VPS13B: variants seen among roughly 807,000 people sequenced by gnomAD.
VPS13B encodes vacuolar protein sorting 13 homolog B, also known as intermembrane lipid transfer protein VPS13B.
A neutral mutation model predicts 426.4 loss-of-function variants in VPS13B; 285 were observed. That is an observed-to-expected ratio of 0.67 (90% CI 0.61 to 0.74). VPS13B has a LOEUF of 0.74. VPS13B is among the 30% of genes least tolerant of loss of function. VPS13B has a pLI of 0.00. For synonymous variants in VPS13B, 1,676 were observed against 1,676.4 expected, an observed-to-expected ratio of 1.00 and a Z score of 0.01; for missense variants, 4,537 against 4,782.6, an observed-to-expected ratio of 0.95 and a Z score of 1.51.
At chr8:99,711,500 G>A (rs932890529) in intron 36 of VPS13B, among the ~76,000 whole-genome samples, 1 of 151,884 alleles carries the variant, frequency 6.6e-6, no homozygotes. Context: ...CCTGAGTTAC[G>A]GGCAAATAAA....
At chr8:99,142,840 T>C in intron 12 of VPS13B, 134 bp from the exon 13 acceptor site, 1 of 798,044 alleles carries the variant, frequency 1.3e-6, no homozygotes, top group Non-Finnish European at 1.9e-6. Flanking sequence ...AGCAGGGCTC[T>C]CTGTATGCAG....
chr8:99,220,660 A>G (rs1815657095), intron 17 of VPS13B, among the ~76,000 whole-genome samples: 1 of 152,182 alleles, frequency 6.6e-6, no homozygotes, highest in Non-Finnish European at 1.5e-5. Flanking sequence ...CTCCTAGGGA[A>G]TATGAATCTG....
intron 20 of VPS13B, among the ~76,000 whole-genome samples, chr8:99,390,386 G>A (rs570974700): frequency 6.6e-6 from 1 of 152,310 alleles, no homozygotes; most frequent in South Asian, 2.1e-4. Flanking sequence ...ACAGGCGTGA[G>A]CCACCGCACC....
intron 31 of VPS13B, among the ~76,000 whole-genome samples, chr8:99,570,795 G>A (rs72674659): frequency 0.031 from 4,761 of 152,028 alleles, 112 homozygotes; most frequent in South Asian, 0.074. Flanking sequence ...TGTCATTGAG[G>A]ACATGTTTTC....
chr8:99,260,873 A>G (rs1437565776), intron 17 of VPS13B, among the ~76,000 whole-genome samples: 6 of 152,118 alleles, frequency 3.9e-5, no homozygotes, highest in African/African-American at 1.4e-4. Context: ...ATTTGGAATT[A>G]TGACATAGTA....
intron 19 of VPS13B, among the ~76,000 whole-genome samples, chr8:99,335,270 A>G (rs931100327): frequency 3.3e-5 from 5 of 152,170 alleles, no homozygotes; most frequent in Non-Finnish European, 5.9e-5. Context: ...TAGTCTTGCT[A>G]GCAGTCTATC....
intron 4 of VPS13B, among the ~76,000 whole-genome samples, chr8:99,100,169 A>G (rs554842118): frequency 2.6e-4 from 40 of 152,300 alleles, no homozygotes; most frequent in Admixed American, 2.0e-3. Flanking sequence ...CATTTTTAGT[A>G]AGGAAACAGT....
At chr8:99,103,365 T>A (rs1484504182) in intron 5 of VPS13B, among the ~76,000 whole-genome samples, 1 of 152,188 alleles carries the variant, frequency 6.6e-6, no homozygotes, top group African/African-American at 2.4e-5. Flanking sequence ...GGTCTGGCTC[T>A]GTTGCCCAGG....
chr8:99,093,595 G>A (rs1846274958), intron 3 of VPS13B, among the ~76,000 whole-genome samples: 1 of 144,456 alleles, frequency 6.9e-6, no homozygotes, highest in Non-Finnish European at 1.5e-5. Context: ...TGTTCTCATT[G>A]TTCAATTCCC....
chr8:99,488,136 C>A (rs144667668), intron 25 of VPS13B, among the ~76,000 whole-genome samples: 8 of 152,182 alleles, frequency 5.3e-5, no homozygotes, highest in African/African-American at 1.9e-4. Context: ...ATACTTTATT[C>A]GGTGCTGATT....
chr8:99,606,621 TTTC>T (rs1827595529), intron 33 of VPS13B, among the ~76,000 whole-genome samples: 1 of 148,310 alleles, frequency 6.7e-6, no homozygotes, highest in African/African-American at 2.5e-5. Context: ...TCTTTTTCTT[TTTC>T]TTTTCTTTTT....
intron 39 of VPS13B, among the ~76,000 whole-genome samples, chr8:99,732,683 G>A (rs896766201): frequency 4.5e-4 from 68 of 152,322 alleles, no homozygotes; most frequent in Non-Finnish European, 1.3e-4. Flanking sequence ...CTAGTCTATG[G>A]TGCAGTAAGA....
At position 99,778,912 on chromosome 8, in the gene VPS13B, G is replaced by C. The variant is rs202226215; in HGVS notation, c.7660G>C (p.Val2554Leu). The C allele has an allele frequency of 1.5e-4, 235 of 1,614,004 alleles. 2 individuals carry two copies. The Admixed American group carries it at 3.8e-3, about 26-fold the overall frequency. Reference sequence around the variant, plus strand: ...CTTCAGCATCTTCGGGCAGATGGCAGTTTCCAGCGATGTAGTGGAAAAGCT... The same window carrying C: ...CTTCAGCATCTTCGGGCAGATGGCACTTTCCAGCGATGTAGTGGAAAAGCT... The part of the protein sequence containing the change: ...KPFSIFGQMA[V>L]SSDVVEKLLD... The change falls in exon 42 of 62, where the codon GTT becomes CTT. Residue 2554 changes from valine (V) to leucine (L), a missense_variant. Val to Leu is a conservative substitution (Grantham distance 32). This residue lies in a region of VPS13B where 4,311 missense variants were observed against 4,474.3 expected (regional missense o/e 0.96). Transcript: ENST00000357162.
chr8:99,622,649 T>G (rs549667723), intron 33 of VPS13B, among the ~76,000 whole-genome samples: 7 of 152,364 alleles, frequency 4.6e-5, no homozygotes, highest in Admixed American at 6.5e-5. Context: ...TTATGGCAGT[T>G]CACTGTATGC....
intron 19 of VPS13B, among the ~76,000 whole-genome samples, chr8:99,335,970 C>T (rs1810837766): frequency 6.6e-6 from 1 of 152,194 alleles, no homozygotes; most frequent in African/African-American, 2.4e-5. Context: ...ATGCCATCCC[C>T]ATCAAGCTAC....
At chr8:99,863,689 T>C (rs1816952046) in intron 58 of VPS13B, among the ~76,000 whole-genome samples, 1 of 152,204 alleles carries the variant, frequency 6.6e-6, no homozygotes, top group African/African-American at 2.4e-5. Context: ...AGGTCATCTT[T>C]CTGGGCGTGG....
intron 19 of VPS13B, among the ~76,000 whole-genome samples, chr8:99,304,521 G>A (rs1000647833): frequency 3.3e-5 from 5 of 151,878 alleles, no homozygotes; most frequent in African/African-American, 1.2e-4. Flanking sequence ...TATTAAATTT[G>A]TGCTATTCTG....
intron 39 of VPS13B, among the ~76,000 whole-genome samples, chr8:99,725,290 C>A (rs1588658404): frequency 6.6e-6 from 1 of 152,292 alleles, no homozygotes; most frequent in Non-Finnish European, 1.5e-5. Flanking sequence ...CAGGGTCCCC[C>A]AGCCCATGGC....
chr8:99,692,214 C>A (rs1172525682), intron 35 of VPS13B, among the ~76,000 whole-genome samples: 3 of 148,558 alleles, frequency 2.0e-5, no homozygotes, highest in Non-Finnish European at 3.0e-5. Context: ...CTACAGAACT[C>A]TCCACCCCAA....
Sources: gnomAD v4.1 joint callset for allele counts (sites outside exome capture counted in the v4.1 genomes callset) on GRCh38, gnomAD v4.1.1 for gene constraint, gnomAD v4.1.1 regional missense constraint, MANE v1.5 for transcripts, NCBI Gene and HGNC (gene_info 2026-07-23, HGNC 2026-07-21) for gene names.